Variants in TAFA5 observed in about 807,000 individuals in gnomAD.
The protein encoded by TAFA5 is chemokine-like protein TAFA-5.
Under a neutral mutation model 15.3 loss-of-function variants are expected in TAFA5, and 6 were observed. That is an observed-to-expected ratio of 0.39 (90% confidence interval 0.21 to 0.77). The LOEUF is 0.77. TAFA5 is among the 30% of genes least tolerant of loss of function. TAFA5 has a pLI of 0.41. For missense variants in TAFA5, 161 were observed against 193.1 expected (o/e 0.83, Z 0.98); for synonymous variants, 103 against 80.7 (o/e 1.28, Z -1.48).
chr22:48,614,084 C>T (rs116004792), intron 1 of TAFA5, among the ~76,000 whole-genome samples: 2,211 of 152,332 alleles, frequency 0.015, 41 homozygotes, highest in African/African-American at 0.05. Context: ...TCCCGGCCGA[C>T]GGGTGTTATC....
At chr22:48,675,702 T>C (rs1927950123) in intron 2 of TAFA5, among the ~76,000 whole-genome samples, 1 of 152,274 alleles carries the variant, frequency 6.6e-6, no homozygotes, top group African/African-American at 2.4e-5. Context: ...CAAGCATCTG[T>C]CCTGGCTCTT....
chr22:48,633,506 CTGTCTG>C (rs1255815008), intron 1 of TAFA5, among the ~76,000 whole-genome samples: 3 of 68,648 alleles, frequency 4.4e-5, no homozygotes, highest in Admixed American at 1.6e-4. Context: ...GTCTGTCTGT[CTGTCTG>C]TCTGTCTGTC....
At chr22:48,707,917 G>C in intron 3 of TAFA5, 73 bp downstream of exon 3, 2 of 1,544,532 alleles carry the variant, frequency 1.3e-6, no homozygotes, top group Non-Finnish European at 8.7e-7. Context: ...GACGCCACCC[G>C]GGCTCCGCGG....
At chr22:48,526,305 G>A (rs755514861) in intron 1 of TAFA5, among the ~76,000 whole-genome samples, 20 of 152,244 alleles carry the variant, frequency 1.3e-4, no homozygotes, top group Non-Finnish European at 2.8e-4. Flanking sequence ...ACCCTGGCCA[G>A]GAGCCGAGGG....
chr22:48,508,736 C>CAT (rs1447396494), intron 1 of TAFA5, among the ~76,000 whole-genome samples: 2 of 152,202 alleles, frequency 1.3e-5, no homozygotes, highest in African/African-American at 4.8e-5. Flanking sequence ...TATTTCAACA[C>CAT]ATATATACAA....
intron 3 of TAFA5, among the ~76,000 whole-genome samples, chr22:48,734,511 C>T (rs1033059238): frequency 9.9e-5 from 15 of 152,206 alleles, no homozygotes; most frequent in Non-Finnish European, 2.9e-5. Context: ...GTGTGAACAG[C>T]AGGAGAGGAG....
chr22:48,533,408 G>A (rs538067098), intron 1 of TAFA5, among the ~76,000 whole-genome samples: 106 of 152,326 alleles, frequency 7.0e-4, no homozygotes, highest in African/African-American at 2.4e-3. Context: ...ACAGGGTGAG[G>A]ACTCCAGGGC....
In TAFA5 at chr22:48,697,050, G is replaced by A. The variant is rs1183072201; in HGVS notation, c.263-10667G>A. ...AGGGATGGGGAAGATGGCGTGCCAGGCACATGTTCCCTGGGCACAGGGATG... is the reference window on the plus strand; with the variant it reads ...AGGGATGGGGAAGATGGCGTGCCAGACACATGTTCCCTGGGCACAGGGATG... On this transcript the variant is annotated intron_variant, in intron 2 of 3. Coordinates refer to ENST00000402357, the MANE Select transcript of TAFA5 (RefSeq NM_001082967.3). 2.6e-5 allele frequency among the ~76,000 whole-genome samples: 4 copies of A among 152,352 alleles called. No homozygotes were observed. The East Asian group carries it at 5.8e-4, about 22-fold the overall frequency.
rs1930432387 is a variant in TAFA5 at position 48,749,902 on chromosome 22, C to T, written c.*55C>T. ...TGGCCTTGGCTCCCTGGAGAGCCCA[C>T]GTCTCAGCCACAGTTCTCCACTCGC... On this transcript the variant is annotated 3_prime_UTR_variant, in exon 4 of 4. Coordinates refer to ENST00000402357, the MANE Select transcript of TAFA5 (RefSeq NM_001082967.3). The T allele has an allele frequency of 2.7e-6, 4 of 1,499,476 alleles. No individual in the cohort carries two copies. Among genetic ancestry groups the T allele is most frequent in the African/African-American group, 1.4e-5 (1 of 72,156 alleles). 92.9% of individuals were successfully genotyped at this position (1,499,476 alleles called of 1,614,324 possible).
intron 1 of TAFA5, among the ~76,000 whole-genome samples, chr22:48,554,760 T>G (rs1404190502): frequency 2.0e-5 from 3 of 152,228 alleles, no homozygotes; most frequent in African/African-American, 4.8e-5. Flanking sequence ...ATGCTAAGAT[T>G]CTCTGCAGAC....
chr22:48,529,653 A>G (rs1208950695), intron 1 of TAFA5, among the ~76,000 whole-genome samples: 1 of 71,444 alleles, frequency 1.4e-5, no homozygotes, highest in Non-Finnish European at 2.8e-5. Flanking sequence ...GTGTCCAGGC[A>G]GGAGATGGGG....
intron 1 of TAFA5, among the ~76,000 whole-genome samples, chr22:48,614,659 T>C (rs770656239): frequency 6.6e-6 from 1 of 152,184 alleles, no homozygotes; most frequent in Non-Finnish European, 1.5e-5. Flanking sequence ...AGGTGACCTT[T>C]GTAAAAGCTC....
At chr22:48,492,427 A>G (rs2147090946) in intron 1 of TAFA5, among the ~76,000 whole-genome samples, 1 of 152,352 alleles carries the variant, frequency 6.6e-6, no homozygotes, top group South Asian at 2.1e-4. Context: ...TTCCTAGTGC[A>G]GCTAGGAGGA....
chr22:48,616,345 G>A (rs538971393), intron 1 of TAFA5, among the ~76,000 whole-genome samples: 2 of 152,344 alleles, frequency 1.3e-5, no homozygotes, highest in African/African-American at 4.8e-5. Flanking sequence ...TGATGAGCCT[G>A]AAGGCCCAAG....
At chr22:48,744,580 C>A (rs954816339) in intron 3 of TAFA5, among the ~76,000 whole-genome samples, 1 of 152,224 alleles carries the variant, frequency 6.6e-6, no homozygotes, top group African/African-American at 2.4e-5. Context: ...GCAGGGCACT[C>A]GGCAAAGTCG....
chr22:48,632,576 C>T (rs116849156), intron 1 of TAFA5, among the ~76,000 whole-genome samples: 2,892 of 151,754 alleles, frequency 0.019, 52 homozygotes, highest in Middle Eastern at 0.065. Context: ...ACGCACAGAA[C>T]GTGCCGGGCC....
At chr22:48,558,369 C>T (rs1017112914) in intron 1 of TAFA5, among the ~76,000 whole-genome samples, 2 of 152,170 alleles carry the variant, frequency 1.3e-5, no homozygotes, top group Non-Finnish European at 2.9e-5. Flanking sequence ...TTTTTGAATG[C>T]GTCCCTCCCT....
intron 3 of TAFA5, among the ~76,000 whole-genome samples, chr22:48,738,376 C>A (rs539461328): frequency 2.8e-4 from 43 of 152,314 alleles, no homozygotes; most frequent in African/African-American, 9.6e-4. Context: ...CACAGAATGT[C>A]CCCTGCAGCC....
intron 3 of TAFA5, among the ~76,000 whole-genome samples, chr22:48,708,659 G>A (rs1004366448): frequency 6.6e-6 from 1 of 152,226 alleles, no homozygotes; most frequent in Non-Finnish European, 1.5e-5. Context: ...CTCCTTTGAG[G>A]TTGGCATTGG....
Sources: gnomAD v4.1 joint callset for allele counts (sites outside exome capture counted in the v4.1 genomes callset) on GRCh38, gnomAD v4.1.1 for gene constraint, MANE v1.5 for transcripts, NCBI Gene and HGNC (gene_info 2026-07-23, HGNC 2026-07-21) for gene names.